The following STON2 variants were observed in gnomAD, a reference collection of about 807,000 sequenced individuals.
STON2 encodes stonin-2.
STON2 carries 29 observed loss-of-function variants against 65.7 expected under a neutral mutation model. The observed-to-expected ratio is 0.44, with a 90% CI of 0.33 to 0.60. The LOEUF (loss-of-function observed/expected upper bound fraction) is 0.60, where lower values mean the gene tolerates loss of function less well. STON2 is among the 20% of genes least tolerant of loss of function. The pLI, the probability that STON2 is intolerant of heterozygous loss-of-function variation, is 0.03. For synonymous variants in STON2, 404 were observed against 414.2 expected, an observed-to-expected ratio of 0.98 and a Z score of 0.30; for missense variants, 1,054 against 1,118.1, an observed-to-expected ratio of 0.94 and a Z score of 0.82.
chr14:81,377,900 T>A (rs149793400), intron 3 of STON2, among the ~76,000 whole-genome samples: 2,008 of 151,818 alleles, frequency 0.013, 52 homozygotes, highest in African/African-American at 0.046. Flanking sequence ...CAGGCTGGAG[T>A]GCAATGGCAT....
At chr14:81,326,535 A>C (rs905239747) in intron 4 of STON2, among the ~76,000 whole-genome samples, 5 of 152,214 alleles carry the variant, frequency 3.3e-5, no homozygotes, top group African/African-American at 9.6e-5. Flanking sequence ...CCTGCATTAC[A>C]CAAGGAACTC....
At chr14:81,344,351 T>C (rs925870082) in intron 4 of STON2, among the ~76,000 whole-genome samples, 21 of 152,226 alleles carry the variant, frequency 1.4e-4, no homozygotes, top group Non-Finnish European at 2.9e-4. Context: ...GGATATATCC[T>C]ATCAAACTTT....
At chr14:81,329,124 T>A (rs544753389) in intron 4 of STON2, among the ~76,000 whole-genome samples, 2 of 152,214 alleles carry the variant, frequency 1.3e-5, no homozygotes, top group South Asian at 4.2e-4. Context: ...TCATATTGGA[T>A]TAGGGTGAAC....
In STON2 at chr14:81,421,908, TG is replaced by T. The variant is rs542653876; in HGVS notation, c.-199+5193del. 3.9e-5 allele frequency among the ~76,000 whole-genome samples: 6 copies of T among 152,342 alleles called. No homozygotes were observed. In the South Asian group the frequency reaches 1.2e-3, roughly 32 times the overall value. ...GAGAGGCCACTGGAAGCTGGGGATT[TG>T]GACTGGGTAACTCAGAATAATAAGA... On this transcript the variant is annotated intron_variant, in intron 2 of 8. Coordinates refer to the STON2 transcript ENST00000553821.
At chr14:81,360,827 C>T (rs1476657594) in intron 4 of STON2, among the ~76,000 whole-genome samples, 1 of 152,094 alleles carries the variant, frequency 6.6e-6, no homozygotes, top group Non-Finnish European at 1.5e-5. Flanking sequence ...AGTAAAGTTG[C>T]AGGACACAAA....
chr14:81,274,532 C>T (rs1894729163), intron 6 of STON2, among the ~76,000 whole-genome samples: 1 of 151,704 alleles, frequency 6.6e-6, no homozygotes, highest in Admixed American at 6.6e-5. Context: ...CAGTCTTTTT[C>T]TTTCTCTCCT....
At chr14:81,313,794 CAAAA>C (rs1458066137) in intron 5 of STON2, among the ~76,000 whole-genome samples, 1 of 98,514 alleles carries the variant, frequency 1.0e-5, no homozygotes, top group Non-Finnish European at 2.0e-5. Flanking sequence ...GACTCCGTCT[CAAAA>C]AAAAAAAAAA....
chr14:81,273,723 G>C (rs1216895087), intron 6 of STON2, among the ~76,000 whole-genome samples: 1 of 152,142 alleles, frequency 6.6e-6, no homozygotes. Context: ...GCCTGCTATA[G>C]GCTAGGGATG....
chr14:81,305,806 C>T (rs1310489830), intron 5 of STON2, among the ~76,000 whole-genome samples: 1 of 151,434 alleles, frequency 6.6e-6, no homozygotes, highest in Non-Finnish European at 1.5e-5. Flanking sequence ...TAGAGATTGA[C>T]TGGTGGGATT....
chr14:81,384,373 G>A (rs1257775833), intron 3 of STON2, among the ~76,000 whole-genome samples: 1 of 151,842 alleles, frequency 6.6e-6, no homozygotes, highest in African/African-American at 2.4e-5. Context: ...TCAGCCTCTC[G>A]AGTAACTGGG....
At chr14:81,411,314 C>T (rs182961508) in intron 2 of STON2, among the ~76,000 whole-genome samples, 4 of 152,126 alleles carry the variant, frequency 2.6e-5, no homozygotes, top group Admixed American at 6.5e-5. Context: ...AAAGTAAACT[C>T]GATTGTGGTA....
At chr14:81,303,231 T>C (rs565040985) in intron 5 of STON2, among the ~76,000 whole-genome samples, 79 of 152,262 alleles carry the variant, frequency 5.2e-4, no homozygotes, top group Admixed American at 1.2e-3. Context: ...ACCAAAATAT[T>C]TGAAGGGCAA....
intron 3 of STON2, among the ~76,000 whole-genome samples, chr14:81,375,617 T>C (rs1899216434): frequency 6.6e-6 from 1 of 151,998 alleles, no homozygotes; most frequent in African/African-American, 2.4e-5. Context: ...ACCTCTCAGT[T>C]ATTGATATAT....
At chr14:81,325,110 G>T (rs1896960532) in intron 4 of STON2, among the ~76,000 whole-genome samples, 1 of 152,114 alleles carries the variant, frequency 6.6e-6, no homozygotes, top group Non-Finnish European at 1.5e-5. Flanking sequence ...CCACCATACA[G>T]CCAGGAATGC....
chr14:81,421,602 T>C (rs545058872), intron 2 of STON2, among the ~76,000 whole-genome samples: 1 of 152,208 alleles, frequency 6.6e-6, no homozygotes, highest in East Asian at 1.9e-4. Flanking sequence ...GATATGGGGA[T>C]AGAATCTTTT....
At chr14:81,342,973 C>T (rs1897673324) in intron 4 of STON2, among the ~76,000 whole-genome samples, 1 of 152,186 alleles carries the variant, frequency 6.6e-6, no homozygotes, top group Non-Finnish European at 1.5e-5. Context: ...ATGCCTATGT[C>T]AGTGAGGCAG....
chr14:81,380,450 A>G (rs1422620955), intron 3 of STON2, among the ~76,000 whole-genome samples: 1 of 152,212 alleles, frequency 6.6e-6, no homozygotes, highest in East Asian at 1.9e-4. Flanking sequence ...AAAGAACTTA[A>G]AACAGAACCA....
chr14:81,428,971 G>T (rs1254939859), intron 1 of STON2, among the ~76,000 whole-genome samples: 1 of 152,188 alleles, frequency 6.6e-6, no homozygotes, highest in Non-Finnish European at 1.5e-5. Flanking sequence ...CATGAAATAT[G>T]CTTGAGAATG....
chr14:81,315,518 A>ATGC (rs1896586083), intron 5 of STON2, among the ~76,000 whole-genome samples: 1 of 151,976 alleles, frequency 6.6e-6, no homozygotes, highest in Non-Finnish European at 1.5e-5. Context: ...TAGGCAGGTG[A>ATGC]CGATACTGGC....
Sources: allele counts gnomAD v4.1 joint callset (sites outside exome capture counted in the v4.1 genomes callset), GRCh38; gene constraint gnomAD v4.1.1; transcripts MANE v1.5; gene names NCBI Gene and HGNC (gene_info 2026-07-23, HGNC 2026-07-21).